Variants in UCP3 observed in about 807,000 individuals in gnomAD.
UCP3 encodes the protein uncoupling protein 3, also known as putative mitochondrial transporter UCP3.
A neutral mutation model predicts 28.1 loss-of-function variants in UCP3; 24 were observed. The observed-to-expected ratio is 0.85, with a 90% CI of 0.62 to 1.20. The LOEUF is 1.20. UCP3 is among the 50% of genes most tolerant of loss of function. UCP3 has a pLI of 0.00. For synonymous variants in UCP3, 184 were observed against 171.2 expected (o/e 1.07, Z -0.59); for missense variants, 397 against 422.2 (o/e 0.94, Z 0.52).
chr11:74,006,509 T>C (rs1398510079), intron 2 of UCP3, 130 bp from the exon 3 acceptor site: 3 of 926,460 alleles, frequency 3.2e-6, no homozygotes, highest in Non-Finnish European at 4.7e-6. Context: ...ACAGTAGAAA[T>C]CACTGGTGTC....
intron 4 of UCP3, among the ~76,000 whole-genome samples, chr11:74,005,152 G>A (rs1419978072): frequency 6.6e-6 from 1 of 152,170 alleles, no homozygotes; most frequent in Non-Finnish European, 1.5e-5. Flanking sequence ...CATGCGGAGA[G>A]AGTCCTGCAT....
At chr11:74,007,447 T>C (rs889187881) in intron 1 of UCP3, 1 of 200,444 alleles carries the variant, frequency 5.0e-6, no homozygotes, top group African/African-American at 2.3e-5. Flanking sequence ...CTTTTTTTTT[T>C]TGAGACAGGG....
intron 1 of UCP3, chr11:74,007,338 TC>T (rs1951675054): frequency 9.7e-6 from 4 of 413,448 alleles, no homozygotes; most frequent in South Asian, 9.4e-5. Context: ...CTCCCTCCCC[TC>T]CTTACCAGGG....
Position 74,001,334 on chromosome 11 carries a change from G to A in UCP3, c.*78C>T, listed in dbSNP as rs1165261282. 1.5e-6 allele frequency: 2 copies of A among 1,318,262 alleles called. No individual in the cohort carries two copies. Among genetic ancestry groups the A allele is most frequent in the Admixed American group, 1.8e-5 (1 of 56,860 alleles). The allele number at this position is 1,318,262 out of a possible 1,614,324, so 81.7% of individuals were successfully genotyped here. ...TAAACATGTGTGGGTCTGTGTCCATGTGTGCGTGGATGCACCGTTTTCTTC... is the reference window on the plus strand; with the variant it reads ...TAAACATGTGTGGGTCTGTGTCCATATGTGCGTGGATGCACCGTTTTCTTC... On this transcript the variant is annotated 3_prime_UTR_variant, in exon 7 of 7. Transcript: ENST00000314032.
chr11:74,004,066 G>A, intron 5 of UCP3, 59 bp from the exon 6 acceptor site: 1 of 1,596,320 alleles, frequency 6.3e-7, no homozygotes. Flanking sequence ...CCATATGTAT[G>A]CACTGTTTGT....
At chr11:74,008,216 G>A (rs538513759) in intron 1 of UCP3, among the ~76,000 whole-genome samples, 13 of 152,268 alleles carry the variant, frequency 8.5e-5, no homozygotes, top group Admixed American at 5.9e-4. Context: ...ATCTGAAGCT[G>A]CGCCTGTTTC....
intron 3 of UCP3, 84 bp downstream of exon 3, chr11:74,006,085 C>T: frequency 6.3e-7 from 1 of 1,582,596 alleles, no homozygotes. Context: ...GCCCCTGGCT[C>T]TGCCTCTGAG....
intron 1 of UCP3, among the ~76,000 whole-genome samples, chr11:74,007,944 T>G (rs1203174293): frequency 6.6e-6 from 1 of 152,152 alleles, no homozygotes; most frequent in Non-Finnish European, 1.5e-5. Context: ...AGTGGAACCC[T>G]CATTACTGTA....
intron 1 of UCP3, among the ~76,000 whole-genome samples, chr11:74,007,728 A>C (rs1360334862): frequency 6.6e-6 from 1 of 152,218 alleles, no homozygotes; most frequent in Non-Finnish European, 1.5e-5. Context: ...ATGGATGGAC[A>C]CAGACTCAGG....
Position 74,007,135 on chromosome 11 carries a change from G to T in UCP3, c.-93C>A. 1 of 1,512,582 alleles carries T rather than the reference G, an allele frequency of 6.6e-7. No individual in the cohort carries two copies. The highest frequency in any genetic ancestry group is 9.0e-7 in the Non-Finnish European group (1 of 1,111,586). The allele number at this position is 1,512,582 out of a possible 1,614,324, so 93.7% of individuals were successfully genotyped here. ...AGCCCTGGGCTTCAGTGCAGCGGTG[G>T]GGCTGCAGGAGACAGGCCAGAGAAG... On this transcript the variant is annotated splice_region_variant and 5_prime_UTR_variant, in exon 2 of 7. Coordinates refer to ENST00000314032, the MANE Select transcript of UCP3 (RefSeq NM_003356.4).
At chr11:74,007,814 CAGGT>C (rs1352655859) in intron 1 of UCP3, among the ~76,000 whole-genome samples, 1 of 152,126 alleles carries the variant, frequency 6.6e-6, no homozygotes. Flanking sequence ...GTGGTGGGCA[CAGGT>C]AGGAGGTGCC....
At chr11:74,003,742 C>G in intron 6 of UCP3, 85 bp downstream of exon 6, 1 of 1,512,064 alleles carries the variant, frequency 6.6e-7, no homozygotes, top group Non-Finnish European at 8.8e-7. Context: ...CCGCTACATC[C>G]CAGGTTGACC....
rs534397046 is a variant in UCP3, at chr11:74,007,229, A to G, written c.-95-92T>C. ...TACCCAGGAGGGGCTTTAGAAAGGG[A>G]GAAGCCTGGGTGGTGCCATACTTAA... On this transcript the variant is annotated intron_variant, in intron 1 of 6. Transcript: ENST00000314032. The G allele has an allele frequency of 1.4e-4, 100 of 727,374 alleles. 1 individual carries two copies. In the African/African-American group the frequency reaches 1.7e-3, roughly 12 times the overall value. 45.1% of individuals were successfully genotyped at this position (727,374 alleles called of 1,614,324 possible). A position where few individuals can be genotyped will look rare whatever the true frequency, so the allele number is the denominator to read the frequency against.
chr11:74,006,272 G>A lies in UCP3; in HGVS notation c.234C>T (p.Tyr78=), dbSNP rs1290763402. Residue 78 remains tyrosine, a synonymous_variant, in exon 3 of 7, where the codon TAC becomes TAT. Transcript: ENST00000314032. ...GCTGCAGGCCGGCCACCAGCCCATT[G>A]TAGGGGCTGCAGGGACCCTCAGTCC... ...MVRTEGPCSP[Y]NGLVAGLQRQ... The A allele has an allele frequency of 3.1e-6, 5 of 1,613,626 alleles. No homozygotes were observed. Among genetic ancestry groups the A allele is most frequent in the Non-Finnish European group, 3.4e-6 (4 of 1,180,002 alleles).
chr11:74,004,681 C>T, intron 4 of UCP3, 96 bp from the exon 5 acceptor site: 2 of 1,235,144 alleles, frequency 1.6e-6, no homozygotes, highest in Admixed American at 1.9e-5. Flanking sequence ...GCCACAGGCC[C>T]CAGTTTTGGG....
intron 4 of UCP3, among the ~76,000 whole-genome samples, chr11:74,004,812 G>A: frequency 6.6e-6 from 1 of 152,186 alleles, no homozygotes; most frequent in South Asian, 2.1e-4. Flanking sequence ...CAGAGACAGA[G>A]AACAGAGAGG....
chr11:74,007,784 C>T (rs889222172), intron 1 of UCP3, among the ~76,000 whole-genome samples: 3 of 152,088 alleles, frequency 2.0e-5, no homozygotes, highest in East Asian at 1.9e-4. Context: ...AGTCAAGCTG[C>T]GGGAGGAGGG....
chr11:74,001,968 G>C lies in UCP3; in HGVS notation c.825-442C>G, dbSNP rs1269564549. ...CCAGCCCTAACATGGCCCCCTGCCAGGACATGGAGAAGCTTGGGCTTTGCA... is the reference window on the plus strand; with the variant it reads ...CCAGCCCTAACATGGCCCCCTGCCACGACATGGAGAAGCTTGGGCTTTGCA... On this transcript the variant is annotated intron_variant, in intron 6 of 6. Transcript: ENST00000314032. The C allele has an allele frequency of 3.9e-5, 10 of 253,292 alleles. No homozygotes were observed. The East Asian group carries it at 1.1e-3, about 27-fold the overall frequency. The allele number at this position is 253,292 out of a possible 1,614,324, so 15.7% of individuals were successfully genotyped here.
At chr11:74,004,356 T>G (rs1565190791) in intron 5 of UCP3, 128 bp downstream of exon 5, 3 of 876,652 alleles carry the variant, frequency 3.4e-6, no homozygotes, top group Non-Finnish European at 5.3e-6. Flanking sequence ...CTGGCACTTT[T>G]TACTAGGCAC....
Sources: allele counts gnomAD v4.1 joint callset (sites outside exome capture counted in the v4.1 genomes callset), GRCh38; gene constraint gnomAD v4.1.1; transcripts MANE v1.5; gene names NCBI Gene and HGNC (gene_info 2026-07-23, HGNC 2026-07-21).